CLASP1: variants seen among roughly 807,000 people sequenced by gnomAD.
CLASP1 encodes the protein CLIP-associating protein 1.
In CLASP1, 38 loss-of-function variants were observed where a neutral mutation model predicts 192.3. That is an observed-to-expected ratio of 0.20 (90% CI 0.15 to 0.26). The LOEUF (loss-of-function observed/expected upper bound fraction) is 0.26, where lower values mean the gene tolerates loss of function less well. Ranked by LOEUF, CLASP1 falls within the 10% of genes least tolerant of loss-of-function variation. The pLI is 1.00. For missense variants in CLASP1, 1,433 were observed against 1,932.5 expected (o/e 0.74, Z 4.85); for synonymous variants, 691 against 712.8 (o/e 0.97, Z 0.49).
intron 34 of CLASP1, among the ~76,000 whole-genome samples, chr2:121,375,115 G>T (rs1192315945): frequency 1.3e-5 from 2 of 152,100 alleles, no homozygotes; most frequent in African/African-American, 4.8e-5. Context: ...GGAGGTGACT[G>T]GATCATGGGG....
At chr2:121,522,475 C>T (rs1412197023) in intron 6 of CLASP1, among the ~76,000 whole-genome samples, 1 of 152,158 alleles carries the variant, frequency 6.6e-6, no homozygotes, top group Non-Finnish European at 1.5e-5. Context: ...GAAGTGCTAA[C>T]TTGAATTTTT....
intron 21 of CLASP1, among the ~76,000 whole-genome samples, chr2:121,426,779 A>G (rs1234042711): frequency 1.3e-5 from 2 of 152,178 alleles, no homozygotes; most frequent in Non-Finnish European, 2.9e-5. Flanking sequence ...CTAGATACAT[A>G]TATTACTATT....
chr2:121,607,947 C>A (rs944962391), intron 1 of CLASP1, among the ~76,000 whole-genome samples: 61 of 152,232 alleles, frequency 4.0e-4, no homozygotes, highest in African/African-American at 1.1e-3. Context: ...CATAACTACC[C>A]ATCTTCTACT....
chr2:121,388,635 C>T (rs999629738), intron 30 of CLASP1, among the ~76,000 whole-genome samples: 2 of 152,164 alleles, frequency 1.3e-5, no homozygotes. Context: ...AAGTGATGTG[C>T]TTTCTATGGA....
At chr2:121,610,195 C>T (rs1215669084) in intron 1 of CLASP1, among the ~76,000 whole-genome samples, 1 of 151,690 alleles carries the variant, frequency 6.6e-6, no homozygotes, top group Admixed American at 6.6e-5. Flanking sequence ...GGAGGAGTTA[C>T]AGGAGGAAGA....
chr2:121,400,832 AT>A (rs1177144571), intron 28 of CLASP1, among the ~76,000 whole-genome samples: 1 of 152,228 alleles, frequency 6.6e-6, no homozygotes, highest in Non-Finnish European at 1.5e-5. Context: ...CCAATTTGAC[AT>A]TCCCCCCATC....
chr2:121,599,260 A>G (rs1335353256), intron 2 of CLASP1, among the ~76,000 whole-genome samples: 3 of 151,764 alleles, frequency 2.0e-5, no homozygotes, highest in Non-Finnish European at 4.4e-5. Context: ...GGGCAAGCCA[A>G]AATTACTTCT....
chr2:121,390,295 CA>C (rs2074114028), intron 30 of CLASP1, among the ~76,000 whole-genome samples: 1 of 152,148 alleles, frequency 6.6e-6, no homozygotes, highest in African/African-American at 2.4e-5. Context: ...ACTAGTGACT[CA>C]AAAAGTGGAG....
chr2:121,384,031 C>CAT (rs1553477023), intron 32 of CLASP1, among the ~76,000 whole-genome samples: 7 of 132,836 alleles, frequency 5.3e-5, no homozygotes, highest in African/African-American at 1.1e-4. Context: ...CACACACACA[C>CAT]ATATATATGT....
At chr2:121,441,515 C>T (rs2083337764) in intron 19 of CLASP1, among the ~76,000 whole-genome samples, 1 of 151,814 alleles carries the variant, frequency 6.6e-6, no homozygotes, top group Non-Finnish European at 1.5e-5. Flanking sequence ...GACTTGAGCC[C>T]AGGAGTTTAA....
At chr2:121,627,744 G>A (rs2068657964) in intron 1 of CLASP1, among the ~76,000 whole-genome samples, 1 of 152,182 alleles carries the variant, frequency 6.6e-6, no homozygotes, top group South Asian at 2.1e-4. Flanking sequence ...GGAACCCTGT[G>A]CTTGCTAAAG....
rs1429811219 is a variant in CLASP1, at chr2:121,390,959, C to CAG, written c.3124-3055_3124-3054dup. Among the ~76,000 whole-genome samples the CAG allele has an allele frequency of 2.0e-5, 3 of 152,264 alleles. No individual in the cohort carries two copies. The East Asian group carries it at 5.8e-4, about 29-fold the overall frequency. On this transcript the variant is annotated intron_variant, in intron 30 of 39. Transcript: ENST00000263710. Reference sequence around the variant, plus strand: ...TCAGCCTCCCAAGTAGCTGGGACTACAGGCGTGTGCCACTGTGTCGGCCTA... The same window carrying CAG: ...TCAGCCTCCCAAGTAGCTGGGACTACAGAGGCGTGTGCCACTGTGTCGGCCTA...
chr2:121,606,782 G>A (rs1312867564), intron 1 of CLASP1, among the ~76,000 whole-genome samples: 1 of 152,254 alleles, frequency 6.6e-6, no homozygotes, highest in Admixed American at 6.5e-5. Context: ...AAGGAGGTGG[G>A]CGCAGTGGCT....
chr2:121,477,404 A>T (rs965412728), intron 8 of CLASP1, among the ~76,000 whole-genome samples: 6 of 152,188 alleles, frequency 3.9e-5, no homozygotes, highest in African/African-American at 1.4e-4. Flanking sequence ...TAAAACCTCA[A>T]ATACTTTTTA....
rs549457414 is a variant in CLASP1, at chr2:121,530,911, C to T, written c.196-586G>A. 9.4e-5 allele frequency: 66 copies of T among 699,168 alleles called. No homozygotes were observed. The highest frequency in any genetic ancestry group is 3.7e-4 in the Middle Eastern group (1 of 2,734). The allele number at this position is 699,168 out of a possible 1,614,324, so 43.3% of individuals were successfully genotyped here. On this transcript the variant is annotated intron_variant, in intron 2 of 39. Coordinates refer to ENST00000263710, the Ensembl canonical transcript of CLASP1. ...CCTTTTCTTGGGGTTGCGCTACTGTCCAATGAGCGCATAGTGAGGGCAGTA... is the reference window on the plus strand; with the variant it reads ...CCTTTTCTTGGGGTTGCGCTACTGTTCAATGAGCGCATAGTGAGGGCAGTA...
At chr2:121,437,381 T>C (rs1014234205) in intron 19 of CLASP1, among the ~76,000 whole-genome samples, 3 of 152,222 alleles carry the variant, frequency 2.0e-5, no homozygotes, top group Admixed American at 1.3e-4. Context: ...TTTCACTTTA[T>C]TTCTTTAACT....
intron 19 of CLASP1, among the ~76,000 whole-genome samples, chr2:121,439,856 T>C (rs1342440401): frequency 6.8e-6 from 1 of 146,610 alleles, no homozygotes; most frequent in East Asian, 2.0e-4. Context: ...ACACTGCATA[T>C]TCTCACTCCT....
intron 9 of CLASP1, among the ~76,000 whole-genome samples, chr2:121,464,438 T>G (rs1056311629): frequency 2.0e-5 from 3 of 152,170 alleles, no homozygotes; most frequent in African/African-American, 7.2e-5. Flanking sequence ...TCCACAATGG[T>G]TGAACTAGTT....
Position 121,427,581 on chromosome 2 carries a change from A to G in CLASP1, c.2018-151T>C. 2 of 730,840 alleles carry G rather than the reference A, an allele frequency of 2.7e-6. 1 individual carries two copies. The highest frequency in any genetic ancestry group is 4.7e-6 in the Non-Finnish European group (2 of 426,082). 45.3% of individuals were successfully genotyped at this position (730,840 alleles called of 1,614,324 possible). A position where few individuals can be genotyped will look rare whatever the true frequency, so the allele number is the denominator to read the frequency against. On this transcript the variant is annotated intron_variant, in intron 20 of 39. Coordinates refer to ENST00000263710, the Ensembl canonical transcript of CLASP1. ...ATATTTCCTAGGACTTGTTCCTCCTATTTTTGTACTTATGTTTATCTTTGT... is the reference window on the plus strand; with the variant it reads ...ATATTTCCTAGGACTTGTTCCTCCTGTTTTTGTACTTATGTTTATCTTTGT...
Sources: gnomAD v4.1 joint callset for allele counts (sites outside exome capture counted in the v4.1 genomes callset) on GRCh38, gnomAD v4.1.1 for gene constraint, MANE v1.5 for transcripts, NCBI Gene and HGNC (gene_info 2026-07-23, HGNC 2026-07-21) for gene names.